Variants in POU6F2 observed in about 807,000 individuals in gnomAD.
The protein encoded by POU6F2 is POU class 6 homeobox 2, also known as POU domain, class 6, transcription factor 2.
A neutral mutation model predicts 71.3 loss-of-function variants in POU6F2; 31 were observed. The observed-to-expected ratio is 0.43, with a 90% CI of 0.33 to 0.59. POU6F2 has a LOEUF of 0.59. Among genes scored for constraint, POU6F2 ranks in the 20% least tolerant of loss-of-function variants. POU6F2 has a pLI of 0.04. For synonymous variants in POU6F2, 347 were observed against 355.7 expected (o/e 0.98, Z 0.27); for missense variants, 783 against 856.8 (o/e 0.91, Z 1.07).
intron 2 of POU6F2, among the ~76,000 whole-genome samples, chr7:39,112,404 A>G (rs985865466): frequency 6.6e-6 from 1 of 152,224 alleles, no homozygotes; most frequent in Non-Finnish European, 1.5e-5. Flanking sequence ...ATCTATTAAC[A>G]GTACGTAATA....
chr7:39,457,298 C>A (rs550996853), intron 8 of POU6F2, among the ~76,000 whole-genome samples: 2 of 152,308 alleles, frequency 1.3e-5, no homozygotes, highest in South Asian at 4.1e-4. Flanking sequence ...AGATTAAAGA[C>A]CTGCCCCTCA....
chr7:39,106,799 G>A (rs1389896132), intron 2 of POU6F2, among the ~76,000 whole-genome samples: 1 of 152,142 alleles, frequency 6.6e-6, no homozygotes, highest in Non-Finnish European at 1.5e-5. Context: ...TTTCAAGCCT[G>A]AACAGTATTT....
At chr7:38,996,034 G>GC (rs1562659439) in intron 1 of POU6F2, among the ~76,000 whole-genome samples, 1 of 79,890 alleles carries the variant, frequency 1.3e-5, no homozygotes, top group Non-Finnish European at 2.4e-5. Context: ...AAGGGGCTTG[G>GC]CTTTTTTTTT....
intron 1 of POU6F2, among the ~76,000 whole-genome samples, chr7:39,059,813 C>T (rs761275514): frequency 3.9e-5 from 6 of 152,004 alleles, no homozygotes; most frequent in East Asian, 1.9e-4. Context: ...AAAGAAAATG[C>T]GATATAGTCA....
intron 1 of POU6F2, among the ~76,000 whole-genome samples, chr7:39,057,039 G>C (rs1790543249): frequency 6.6e-6 from 1 of 152,106 alleles, no homozygotes; most frequent in Non-Finnish European, 1.5e-5. Flanking sequence ...TTTGACTTGA[G>C]AATGAGCCCT....
chr7:39,042,893 G>C (rs1341325012), intron 1 of POU6F2, among the ~76,000 whole-genome samples: 1 of 151,926 alleles, frequency 6.6e-6, no homozygotes, highest in African/African-American at 2.4e-5. Context: ...CTTCTCCTTT[G>C]TCTCAGGCTG....
At chr7:39,017,298 G>A (rs1016416634) in intron 1 of POU6F2, among the ~76,000 whole-genome samples, 2 of 152,142 alleles carry the variant, frequency 1.3e-5, no homozygotes, top group Admixed American at 6.5e-5. Flanking sequence ...ACTGGGCTGC[G>A]TGTGAACATG....
At chr7:39,217,225 G>A (rs1422370116) in intron 4 of POU6F2, among the ~76,000 whole-genome samples, 2 of 151,648 alleles carry the variant, frequency 1.3e-5, no homozygotes, top group Admixed American at 6.6e-5. Context: ...GAATACAACC[G>A]CAAAGCAATT....
intron 4 of POU6F2, 52 bp from the exon 5 acceptor site, chr7:39,339,590 C>G (rs977076314): frequency 4.3e-5 from 66 of 1,534,010 alleles, no homozygotes; most frequent in Non-Finnish European, 5.5e-5. Context: ...CAAGACCCAG[C>G]AAGACACTTT....
intron 2 of POU6F2, among the ~76,000 whole-genome samples, chr7:39,148,096 C>G (rs1043867360): frequency 2.0e-5 from 3 of 152,208 alleles, no homozygotes; most frequent in African/African-American, 7.2e-5. Context: ...AACCTTTTAA[C>G]AACTAGGGTG....
At chr7:39,337,902 C>T (rs1583535253) in intron 4 of POU6F2, among the ~76,000 whole-genome samples, 1 of 152,168 alleles carries the variant, frequency 6.6e-6, no homozygotes, top group Admixed American at 6.5e-5. Flanking sequence ...GGAAGGGAGA[C>T]ATATTTGGGA....
chr7:39,350,331 G>A (rs1031467258), intron 5 of POU6F2, among the ~76,000 whole-genome samples: 16 of 152,102 alleles, frequency 1.1e-4, no homozygotes, highest in African/African-American at 3.6e-4. Flanking sequence ...CAACATTTAG[G>A]GGTCCGGGGA....
intron 6 of POU6F2, among the ~76,000 whole-genome samples, chr7:39,420,754 G>A (rs1042283209): frequency 2.6e-5 from 4 of 151,970 alleles, no homozygotes; most frequent in African/African-American, 4.8e-5. Context: ...TAATATATAG[G>A]GCTAGTCTAT....
chr7:39,366,985 GT>G (rs1013283300), intron 5 of POU6F2, among the ~76,000 whole-genome samples: 40 of 151,956 alleles, frequency 2.6e-4, no homozygotes, highest in African/African-American at 5.3e-4. Context: ...GGAGGGGTGA[GT>G]TTTTCAGGAA....
At position 39,104,584 on chromosome 7, in the gene POU6F2, C is replaced by G. The variant is rs532886817; in HGVS notation, c.277+18553C>G. 3.3e-5 allele frequency among the ~76,000 whole-genome samples: 5 copies of G among 152,278 alleles called. No homozygotes were observed. The East Asian group carries it at 9.7e-4, about 29-fold the overall frequency. ...GAAGGGAAGAGGCACTACATTGACTCTGGCTTTCATAAACTAGACTTTTCT... is the reference window on the plus strand; with the variant it reads ...GAAGGGAAGAGGCACTACATTGACTGTGGCTTTCATAAACTAGACTTTTCT... On this transcript the variant is annotated intron_variant, in intron 2 of 9. Transcript: ENST00000518318.
intron 5 of POU6F2, among the ~76,000 whole-genome samples, chr7:39,391,666 CTT>C (rs1438210001): frequency 6.6e-6 from 1 of 152,198 alleles, no homozygotes; most frequent in South Asian, 2.1e-4. Context: ...GCAACCCTCT[CTT>C]GCAAAGCGAC....
At chr7:39,229,220 T>C (rs4442033) in intron 4 of POU6F2, among the ~76,000 whole-genome samples, 56,397 of 152,104 alleles carry the variant, frequency 0.37, 10,790 homozygotes, top group East Asian at 0.71. Flanking sequence ...GAGAAAACAA[T>C]AGGGCAGCAT....
chr7:39,364,275 T>A (rs1280831306), intron 5 of POU6F2, among the ~76,000 whole-genome samples: 3 of 148,060 alleles, frequency 2.0e-5, no homozygotes, highest in Non-Finnish European at 4.5e-5. Flanking sequence ...TTTTTTTTTT[T>A]ATTTCCATAG....
intron 5 of POU6F2, among the ~76,000 whole-genome samples, chr7:39,363,239 A>G (rs992108062): frequency 6.6e-6 from 1 of 152,144 alleles, no homozygotes; most frequent in African/African-American, 2.4e-5. Context: ...TTGCTGATGG[A>G]TTGGCTTTGG....
Sources: allele counts gnomAD v4.1 joint callset (sites outside exome capture counted in the v4.1 genomes callset), GRCh38; gene constraint gnomAD v4.1.1; transcripts MANE v1.5; gene names NCBI Gene and HGNC (gene_info 2026-07-23, HGNC 2026-07-21).